The following KLRF1 variants were observed in gnomAD, a reference collection of about 807,000 sequenced individuals.
KLRF1 encodes killer cell lectin like receptor F1.
KLRF1 carries 27 observed loss-of-function variants against 30.7 expected under a neutral mutation model. The ratio of observed to expected loss-of-function variants is 0.88; its 90% CI spans 0.65 to 1.21. The LOEUF is 1.21. KLRF1 is among the 50% of genes most tolerant of loss of function. The probability of loss-of-function intolerance (pLI) is 0.00; values close to 1 mark genes in which losing one functional copy is unlikely to be tolerated. For missense variants in KLRF1, 246 were observed against 259.3 expected (o/e 0.95, Z 0.35); for synonymous variants, 92 against 89.3 (o/e 1.03, Z -0.17).
chr12:9,804,911 TATTAA>T, the KLRF1 span, among the ~76,000 whole-genome samples: 1 of 152,044 alleles, frequency 6.6e-6, no homozygotes, highest in Non-Finnish European at 1.5e-5. Context: ...TGATATGGTA[TATTAA>T]ATTAATATAT....
At chr12:9,837,105 G>T (rs1175752674) in intron 3 of KLRF1, among the ~76,000 whole-genome samples, 5 of 151,796 alleles carry the variant, frequency 3.3e-5, no homozygotes, top group African/African-American at 1.2e-4. Context: ...TACCCAACAA[G>T]CAAATCACTC....
At chr12:9,811,936 C>T in the KLRF1 span, among the ~76,000 whole-genome samples, 13 of 152,158 alleles carry the variant, frequency 8.5e-5, no homozygotes, top group Admixed American at 6.5e-5. Flanking sequence ...GGTGTTTTAA[C>T]ATTAAATCGG....
chr12:9,801,729 T>C, the KLRF1 span, among the ~76,000 whole-genome samples: 2 of 152,152 alleles, frequency 1.3e-5, no homozygotes, highest in Admixed American at 6.5e-5. Context: ...TTTAAGTTCC[T>C]TTTAGATTAT....
At position 9,827,632 on chromosome 12, in the gene KLRF1, A is replaced by G. The variant is rs749542996; in HGVS notation, c.85+3A>G. The G allele has an allele frequency of 6.4e-7, 1 of 1,571,802 alleles. No individual in the cohort carries two copies. The highest frequency in any genetic ancestry group is 1.1e-5 in the South Asian group (1 of 89,668). ...AACATCTCAACTTACATTTAAAGGT[A>G]TGGAATTTAATTTCATTTTTTCAAT... On this transcript the variant is annotated splice_donor_region_variant and intron_variant, in intron 1 of 5. Coordinates refer to ENST00000617889, the MANE Select transcript of KLRF1 (RefSeq NM_016523.3).
At chr12:9,827,441 G>A (rs917023599), upstream of KLRF1, 2 of 581,672 alleles carry the variant, frequency 3.4e-6, no homozygotes, top group South Asian at 5.0e-5. Context: ...ACAATTTGAG[G>A]AGCATCTCTG....
chr12:9,842,523 C>T, intron 5 of KLRF1, 90 bp downstream of exon 5: 2 of 1,126,692 alleles, frequency 1.8e-6, no homozygotes, highest in South Asian at 1.5e-5. Context: ...GAAATAGTTA[C>T]TGGTACTACA....
At chr12:9,831,009 C>T (rs564220071) in intron 1 of KLRF1, among the ~76,000 whole-genome samples, 9 of 151,648 alleles carry the variant, frequency 5.9e-5, no homozygotes, top group Admixed American at 1.3e-4. Flanking sequence ...CTCGCTCTGT[C>T]GCCCAGGCTG....
rs189536002 is a variant in KLRF1, at chr12:9,835,028, C to T, written c.334+1576C>T. On this transcript the variant is annotated intron_variant, in intron 3 of 5. Transcript: ENST00000617889. ...AAGGTCGTGACAGAGGTTGAAATGC[C>T]TCCTATTCCAGTACCGAGAGCAATA... Among the ~76,000 whole-genome samples, 628 of 152,140 alleles carry T rather than the reference C, an allele frequency of 4.1e-3. 9 individuals carry two copies. The highest frequency in any genetic ancestry group is 0.014 in the African/African-American group (579 of 41,500).
chr12:9,803,002 A>T, the KLRF1 span, among the ~76,000 whole-genome samples: 1 of 152,274 alleles, frequency 6.6e-6, no homozygotes, highest in South Asian at 2.1e-4. Context: ...CGTAAAGCCA[A>T]GACAATTCTA....
chr12:9,831,344 A>G (rs1420570764), intron 1 of KLRF1, among the ~76,000 whole-genome samples: 1 of 152,136 alleles, frequency 6.6e-6, no homozygotes, highest in East Asian at 1.9e-4. Context: ...TTTATCTAAA[A>G]TATCATTCTA....
chr12:9,832,496 C>G (rs1264373388), intron 2 of KLRF1, 82 bp downstream of exon 2: 19 of 805,174 alleles, frequency 2.4e-5, no homozygotes, highest in Non-Finnish European at 3.0e-5. Flanking sequence ...ATTATTCATT[C>G]ATTCTTCACT....
At chr12:9,804,856 A>T in the KLRF1 span, among the ~76,000 whole-genome samples, 2 of 151,912 alleles carry the variant, frequency 1.3e-5, no homozygotes, top group Non-Finnish European at 2.9e-5. Context: ...GAGTGTTTTT[A>T]TATGTCAGTT....
At chr12:9,837,445 T>G (rs1366634393) in intron 3 of KLRF1, among the ~76,000 whole-genome samples, 1 of 152,030 alleles carries the variant, frequency 6.6e-6, no homozygotes, top group South Asian at 2.1e-4. Context: ...TGCACAATGT[T>G]TGTGTGTGCA....
chr12:9,819,263 C>G, the KLRF1 span, among the ~76,000 whole-genome samples: 31 of 152,240 alleles, frequency 2.0e-4, 3 homozygotes, highest in South Asian at 6.4e-3. Flanking sequence ...TCTCTACATC[C>G]CTAGGAAAGG....
chr12:9,800,905 T>A, the KLRF1 span, among the ~76,000 whole-genome samples: 4 of 152,012 alleles, frequency 2.6e-5, no homozygotes, highest in African/African-American at 9.7e-5. Context: ...TAGGTATACG[T>A]GTGCCATGGT....
intron 3 of KLRF1, among the ~76,000 whole-genome samples, chr12:9,839,669 G>A (rs1032652751): frequency 6.6e-6 from 1 of 152,048 alleles, no homozygotes; most frequent in Non-Finnish European, 1.5e-5. Flanking sequence ...AAACCAGGGT[G>A]GAAAGCCACT....
At chr12:9,811,874 C>G in the KLRF1 span, among the ~76,000 whole-genome samples, 1 of 152,184 alleles carries the variant, frequency 6.6e-6, no homozygotes, top group Non-Finnish European at 1.5e-5. Context: ...AAGTCAAGCA[C>G]TAGTGCATTG....
At chr12:9,814,021 C>T in the KLRF1 span, among the ~76,000 whole-genome samples, 5 of 152,162 alleles carry the variant, frequency 3.3e-5, no homozygotes, top group Non-Finnish European at 7.4e-5. Context: ...TCTCCACATC[C>T]CTGGAGCCCC....
chr12:9,803,868 A>G, the KLRF1 span, among the ~76,000 whole-genome samples: 1 of 152,054 alleles, frequency 6.6e-6, no homozygotes, highest in Non-Finnish European at 1.5e-5. Context: ...GAAGTCAAGT[A>G]ATGTCAGTCC....
Sources: allele counts gnomAD v4.1 joint callset (sites outside exome capture counted in the v4.1 genomes callset), GRCh38; gene constraint gnomAD v4.1.1; transcripts MANE v1.5; gene names NCBI Gene and HGNC (gene_info 2026-07-23, HGNC 2026-07-21).